Variants in ATP10A observed in about 807,000 individuals in gnomAD.
ATP10A encodes the protein ATPase phospholipid transporting 10A (putative).
A neutral mutation model predicts 147.8 loss-of-function variants in ATP10A; 111 were observed. The ratio of observed to expected loss-of-function variants is 0.75; its 90% CI spans 0.64 to 0.88. The LOEUF is 0.88. Among genes scored for constraint, ATP10A ranks in the 40% least tolerant of loss-of-function variants. The pLI is 0.00. For synonymous variants in ATP10A, 875 were observed against 841.6 expected, an observed-to-expected ratio of 1.04 and a Z score of -0.69; for missense variants, 1,927 against 1,959.0, an observed-to-expected ratio of 0.98 and a Z score of 0.31.
chr15:25,804,153 GTGA>G (rs1891066135), intron 1 of ATP10A, among the ~76,000 whole-genome samples: 1 of 150,894 alleles, frequency 6.6e-6, no homozygotes, highest in Admixed American at 6.6e-5. Context: ...TGCTTAGTGT[GTGA>G]TGTGAGGTGT....
chr15:25,815,931 A>G (rs891351459), intron 1 of ATP10A, among the ~76,000 whole-genome samples: 3 of 151,850 alleles, frequency 2.0e-5, no homozygotes, highest in African/African-American at 4.8e-5. Context: ...CTATGCTAAT[A>G]ATCTAAGGGT....
intron 2 of ATP10A, among the ~76,000 whole-genome samples, chr15:25,766,707 G>A (rs914961959): frequency 2.6e-5 from 4 of 151,892 alleles, no homozygotes; most frequent in Non-Finnish European, 4.4e-5. Context: ...CAACCCAGCC[G>A]CTTCCATCCC....
chr15:25,780,980 T>C, intron 2 of ATP10A, 39 bp downstream of exon 2: 1 of 1,601,492 alleles, frequency 6.2e-7, no homozygotes, highest in Non-Finnish European at 8.5e-7. Flanking sequence ...ACTGTGTGGC[T>C]GTAATGCCTG....
chr15:25,757,200 G>A (rs1465843958), intron 2 of ATP10A, among the ~76,000 whole-genome samples: 2 of 152,246 alleles, frequency 1.3e-5, no homozygotes, highest in East Asian at 1.9e-4. Flanking sequence ...ATGGTAGAGA[G>A]TAGCTAAATA....
chr15:25,708,498 T>G (rs1260828819), intron 10 of ATP10A, 198 bp from the exon 11 acceptor site: 1 of 564,126 alleles, frequency 1.8e-6, no homozygotes, highest in Non-Finnish European at 3.1e-6. Flanking sequence ...TATTTTATTT[T>G]TTTATAGAGA....
intron 13 of ATP10A, among the ~76,000 whole-genome samples, chr15:25,699,429 T>C (rs1006187679): frequency 6.6e-6 from 1 of 152,160 alleles, no homozygotes; most frequent in African/African-American, 2.4e-5. Context: ...CCTCACACCT[T>C]TCATGAAATG....
chr15:25,842,867 C>A (rs573365444), intron 1 of ATP10A, among the ~76,000 whole-genome samples: 4 of 152,196 alleles, frequency 2.6e-5, no homozygotes, highest in African/African-American at 9.6e-5. Context: ...ATGCACATCA[C>A]CACAACTGGC....
intron 2 of ATP10A, among the ~76,000 whole-genome samples, chr15:25,775,246 G>A (rs1179769686): frequency 1.3e-5 from 2 of 152,210 alleles, no homozygotes; most frequent in Non-Finnish European, 2.9e-5. Flanking sequence ...AATTTTGGAA[G>A]CATGTGTAGG....
In ATP10A at chr15:25,781,222, C is replaced by T; in HGVS notation, c.451G>A (p.Glu151Lys). Residue 151 changes from glutamate (E) to lysine (K), a missense_variant and splice_region_variant, in exon 2 of 21, where the codon GAA becomes AAA. Glu to Lys is a moderately conservative substitution (Grantham distance 56, BLOSUM62 1). Coordinates refer to ENST00000555815, the MANE Select transcript of ATP10A (RefSeq NM_024490.4). ...AATCGGTTCACGTATTTCTTTTCTT[C>T]CCTAGAAAACAGATTTTGATTAACA... ...NHLGCLVFSR[E>K]EKKYVNRFWK... 6.2e-7 allele frequency: 1 copy of T among 1,610,892 alleles called. No individual in the cohort carries two copies. The highest frequency in any genetic ancestry group is 8.5e-7 in the Non-Finnish European group (1 of 1,178,264).
chr15:25,689,878 A>T (rs1899923436), intron 15 of ATP10A, among the ~76,000 whole-genome samples: 1 of 152,188 alleles, frequency 6.6e-6, no homozygotes, highest in Admixed American at 6.5e-5. Context: ...CATGCTCAAC[A>T]TTCAAGTGTT....
At chr15:25,849,985 A>C (rs1242111184) in intron 1 of ATP10A, among the ~76,000 whole-genome samples, 1 of 152,230 alleles carries the variant, frequency 6.6e-6, no homozygotes. Context: ...ACACGATGGC[A>C]CTATGAAATG....
chr15:25,767,501 T>C (rs1300889944), intron 2 of ATP10A, among the ~76,000 whole-genome samples: 1 of 152,206 alleles, frequency 6.6e-6, no homozygotes, highest in African/African-American at 2.4e-5. Context: ...GGCTGCATAG[T>C]AGGGTGAGCC....
rs137926640 is a variant in ATP10A at position 25,725,107 on chromosome 15, G to A, written c.979+844C>T. 2.6e-3 allele frequency among the ~76,000 whole-genome samples: 389 copies of A among 152,224 alleles called. 5 individuals are homozygous for A. The highest frequency in any genetic ancestry group is 8.7e-3 in the African/African-American group (361 of 41,520). On this transcript the variant is annotated intron_variant, in intron 5 of 20. Coordinates refer to ENST00000555815, the MANE Select transcript of ATP10A (RefSeq NM_024490.4). ...CATTCCCACCTGAGCCCCGTCTCCC[G>A]TCAGATCAGCGGCAGCATTCAATTC... is the stretch of plus-strand genomic sequence containing the variant.
chr15:25,803,502 TGAG>T (rs1275312403), intron 1 of ATP10A, among the ~76,000 whole-genome samples: 1 of 152,160 alleles, frequency 6.6e-6, no homozygotes, highest in African/African-American at 2.4e-5. Flanking sequence ...AGAACTGAAA[TGAG>T]GAGCCCAAGT....
In ATP10A at chr15:25,683,420, G is replaced by C. The variant is rs774242963; in HGVS notation, c.3358C>G (p.Gln1120Glu). The stretch of plus-strand genomic sequence containing the variant: ...AGATTAAAGAAGATTAGATACCACT[G>C]GTCAATCATGGTAGATGCAGAGAAG... ...CGFSASTMID[Q>E]WYLIFFNLLF... The change falls in exon 17 of 21, where the codon CAG becomes GAG. Residue 1120 changes from glutamine (Q) to glutamate (E), a missense_variant. Coordinates refer to ENST00000555815, the MANE Select transcript of ATP10A (RefSeq NM_024490.4). 10 of 1,613,948 alleles carry C rather than the reference G, an allele frequency of 6.2e-6. No individual in the cohort carries two copies. In the South Asian group the frequency reaches 1.1e-4, roughly 18 times the overall value.
chr15:25,774,582 G>A (rs201755852), intron 2 of ATP10A, among the ~76,000 whole-genome samples: 469 of 141,338 alleles, frequency 3.3e-3, no homozygotes, highest in Non-Finnish European at 3.6e-3. Flanking sequence ...GTCTCAAAAA[G>A]AAAAAAAAAA....
intron 3 of ATP10A, among the ~76,000 whole-genome samples, chr15:25,729,890 T>G (rs572763993): frequency 6.6e-6 from 1 of 152,228 alleles, no homozygotes; most frequent in East Asian, 1.9e-4. Flanking sequence ...AGTGCCTACC[T>G]CAGAGCCTGG....
At chr15:25,702,915 G>A (rs1036438322) in intron 12 of ATP10A, among the ~76,000 whole-genome samples, 1 of 152,090 alleles carries the variant, frequency 6.6e-6, no homozygotes, top group East Asian at 1.9e-4. Context: ...ATGCTGCTAT[G>A]GACTGAGCGT....
At chr15:25,864,797 T>G (rs572503334), upstream of ATP10A, among the ~76,000 whole-genome samples, 1 of 152,292 alleles carries the variant, frequency 6.6e-6, no homozygotes, top group Non-Finnish European at 1.5e-5. Flanking sequence ...CCTGCAGTCT[T>G]GAGGCCTCAC....
Sources: gnomAD v4.1 joint callset for allele counts (sites outside exome capture counted in the v4.1 genomes callset) on GRCh38, gnomAD v4.1.1 for gene constraint, MANE v1.5 for transcripts, NCBI Gene and HGNC (gene_info 2026-07-23, HGNC 2026-07-21) for gene names.